Variants in INPP4B observed in about 807,000 individuals in gnomAD.
INPP4B encodes the protein inositol polyphosphate-4-phosphatase type II B, also known as inositol polyphosphate 4-phosphatase type II.
Under a neutral mutation model 122.5 loss-of-function variants are expected in INPP4B, and 55 were observed. The observed-to-expected ratio is 0.45, with a 90% confidence interval of 0.36 to 0.56. The LOEUF is 0.56. INPP4B is among the 20% of genes least tolerant of loss of function. INPP4B has a pLI of 0.00. For synonymous variants in INPP4B, 403 were observed against 388.7 expected (o/e 1.04, Z -0.43); for missense variants, 1,000 against 1,097.7 (o/e 0.91, Z 1.26).
At chr4:142,418,841 A>C (rs928177809) in intron 5 of INPP4B, among the ~76,000 whole-genome samples, 1 of 152,140 alleles carries the variant, frequency 6.6e-6, no homozygotes, top group South Asian at 2.1e-4. Context: ...CATTTTTAGA[A>C]GACTGGCTTT....
intron 11 of INPP4B, among the ~76,000 whole-genome samples, chr4:142,257,684 C>T (rs898126386): frequency 2.0e-5 from 3 of 152,162 alleles, no homozygotes; most frequent in African/African-American, 7.2e-5. Flanking sequence ...AACTACAAAC[C>T]ACTGCTCAAG....
intron 2 of INPP4B, among the ~76,000 whole-genome samples, chr4:142,620,007 G>A (rs748621787): frequency 2.6e-5 from 4 of 151,896 alleles, no homozygotes; most frequent in African/African-American, 4.8e-5. Context: ...AAGAAACTGG[G>A]TTTTACGAGT....
intron 18 of INPP4B, among the ~76,000 whole-genome samples, chr4:142,143,287 C>T (rs933111538): frequency 6.6e-6 from 1 of 152,056 alleles, no homozygotes; most frequent in Admixed American, 6.6e-5. Flanking sequence ...AAACTATTTA[C>T]TATCTTCCTA....
chr4:142,596,830 GA>G (rs1738819240), intron 2 of INPP4B, among the ~76,000 whole-genome samples: 1 of 152,158 alleles, frequency 6.6e-6, no homozygotes, highest in Admixed American at 6.5e-5. Flanking sequence ...CAATAAAGTA[GA>G]AGGCTTAGTT....
Position 142,214,153 on chromosome 4 carries a change from A to T in INPP4B, c.837-5127T>A, listed in dbSNP as rs145136468. Among the ~76,000 whole-genome samples, 72 of 152,316 alleles carry T rather than the reference A, an allele frequency of 4.7e-4. 1 individual carries two copies. The East Asian group carries it at 0.013, about 28-fold the overall frequency. On this transcript the variant is annotated intron_variant, in intron 12 of 25. Transcript: ENST00000262992. ...TAGTCACAGAGTCCCTTTGTGTCCC[A>T]TCATCAAGGGTTCAGTCTCTACTAA...
chr4:142,606,894 A>T (rs986604206), intron 2 of INPP4B, among the ~76,000 whole-genome samples: 3 of 152,034 alleles, frequency 2.0e-5, no homozygotes, highest in Non-Finnish European at 2.9e-5. Context: ...AAAGGTAACA[A>T]ATTGTTTAAA....
In INPP4B at chr4:142,368,037, G is replaced by A. The variant is rs143094668; in HGVS notation, c.372+34901C>T. On this transcript the variant is annotated intron_variant, in intron 7 of 25. Coordinates refer to ENST00000262992, the MANE Select transcript of INPP4B (RefSeq NM_001101669.3). The stretch of plus-strand genomic sequence containing the variant: ...TCCAAAAGGCTCACCGTTGCCTGAA[G>A]TAACTTTTCTACTAAGCCATGCTGC... Among the ~76,000 whole-genome samples the A allele has an allele frequency of 1.9e-3, 288 of 152,228 alleles. 3 individuals are homozygous for A. Among genetic ancestry groups the A allele is most frequent in the African/African-American group, 6.6e-3 (275 of 41,540 alleles).
At chr4:142,478,855 A>T (rs1039078684) in intron 2 of INPP4B, among the ~76,000 whole-genome samples, 1 of 152,220 alleles carries the variant, frequency 6.6e-6, no homozygotes, top group Non-Finnish European at 1.5e-5. Flanking sequence ...TTCAAGATGT[A>T]TTAAAGACTT....
chr4:142,212,374 C>T (rs1337392118), intron 12 of INPP4B, among the ~76,000 whole-genome samples: 2 of 152,284 alleles, frequency 1.3e-5, no homozygotes, highest in East Asian at 3.9e-4. Context: ...CCATACTCTA[C>T]CAGCATTTCA....
intron 1 of INPP4B, among the ~76,000 whole-genome samples, chr4:142,824,242 C>T (rs952240725): frequency 5.9e-5 from 9 of 152,036 alleles, no homozygotes; most frequent in Non-Finnish European, 1.3e-4. Context: ...TCATGTGAGC[C>T]AATTCCCATA....
intron 8 of INPP4B, among the ~76,000 whole-genome samples, chr4:142,312,468 C>T (rs10010216): frequency 0.014 from 2,147 of 152,242 alleles, 59 homozygotes; most frequent in African/African-American, 0.049. Flanking sequence ...ACGTTTACCT[C>T]CACTGGGAAC....
intron 1 of INPP4B, among the ~76,000 whole-genome samples, chr4:142,822,145 T>A (rs1457597883): frequency 6.6e-6 from 1 of 152,100 alleles, no homozygotes; most frequent in African/African-American, 2.4e-5. Context: ...GGCTGGGAAG[T>A]TTGGCTGGAA....
At chr4:142,561,322 A>C (rs1339935087) in intron 2 of INPP4B, among the ~76,000 whole-genome samples, 3 of 152,236 alleles carry the variant, frequency 2.0e-5, no homozygotes, top group Non-Finnish European at 4.4e-5. Context: ...ATTAATTCAC[A>C]AAATTATTTC....
At chr4:142,819,722 A>G (rs1780569399) in intron 1 of INPP4B, among the ~76,000 whole-genome samples, 1 of 152,122 alleles carries the variant, frequency 6.6e-6, no homozygotes, top group South Asian at 2.1e-4. Flanking sequence ...TCCTGTCCAG[A>G]TCTTTCTTTA....
chr4:142,270,907 G>A, intron 9 of INPP4B, 133 bp from the exon 10 acceptor site: 1 of 642,256 alleles, frequency 1.6e-6, no homozygotes, highest in Non-Finnish European at 2.8e-6. Flanking sequence ...ATAAAACACA[G>A]CAAAACATGT....
intron 2 of INPP4B, among the ~76,000 whole-genome samples, chr4:142,585,375 A>G (rs1735942292): frequency 6.6e-6 from 1 of 152,202 alleles, no homozygotes; most frequent in Admixed American, 6.6e-5. Flanking sequence ...ATTTATTCAG[A>G]GAAGTGCCTA....
chr4:142,109,194 C>A (rs1423378602), intron 22 of INPP4B, among the ~76,000 whole-genome samples: 1 of 151,392 alleles, frequency 6.6e-6, no homozygotes, highest in Non-Finnish European at 1.5e-5. Context: ...TAATCATATC[C>A]AGTTTAGACT....
intron 12 of INPP4B, among the ~76,000 whole-genome samples, chr4:142,236,446 TTCC>T (rs992677820): frequency 7.9e-5 from 12 of 152,308 alleles, no homozygotes; most frequent in African/African-American, 2.9e-4. Flanking sequence ...GCTTCTTAAC[TTCC>T]TCTTGCAGTT....
intron 25 of INPP4B, among the ~76,000 whole-genome samples, chr4:142,040,937 T>C (rs979307707): frequency 6.6e-6 from 1 of 152,198 alleles, no homozygotes; most frequent in Non-Finnish European, 1.5e-5. Context: ...CTGATTCTAT[T>C]CTTGATAAGC....
Sources: allele counts gnomAD v4.1 joint callset (sites outside exome capture counted in the v4.1 genomes callset), GRCh38; gene constraint gnomAD v4.1.1; transcripts MANE v1.5; gene names NCBI Gene and HGNC (gene_info 2026-07-23, HGNC 2026-07-21).